Variants in TYW1B observed in about 807,000 individuals in gnomAD.
TYW1B encodes S-adenosyl-L-methionine-dependent tRNA 4-demethylwyosine synthase TYW1B.
Under a neutral mutation model 86.9 loss-of-function variants are expected in TYW1B, and 73 were observed. The observed-to-expected ratio is 0.84, with a 90% confidence interval of 0.70 to 1.02. TYW1B has a LOEUF of 1.02. TYW1B is among the 50% of genes least tolerant of loss of function. The pLI is 0.00. For synonymous variants in TYW1B, 248 were observed against 292.8 expected (o/e 0.85, Z 1.56); for missense variants, 637 against 827.4 (o/e 0.77, Z 2.82).
intron 7 of TYW1B, among the ~76,000 whole-genome samples, chr7:72,769,539 C>G (rs1404548890): frequency 6.6e-6 from 1 of 152,096 alleles, no homozygotes; most frequent in East Asian, 1.9e-4. Context: ...AAAACACTAA[C>G]CATAAAAGAA....
At chr7:72,649,191 T>A (rs553843612) in intron 11 of TYW1B, among the ~76,000 whole-genome samples, 1 of 152,172 alleles carries the variant, frequency 6.6e-6, no homozygotes, top group East Asian at 1.9e-4. Flanking sequence ...AAAGAACGAA[T>A]GACTAGTAAG....
intron 6 of TYW1B, among the ~76,000 whole-genome samples, chr7:72,788,987 C>T (rs1393474235): frequency 6.6e-5 from 10 of 151,810 alleles, no homozygotes; most frequent in African/African-American, 2.2e-4. Flanking sequence ...CCAGCTACCA[C>T]GCCCAGCTAA....
At chr7:72,641,226 G>A (rs556056532) in intron 11 of TYW1B, among the ~76,000 whole-genome samples, 6 of 151,940 alleles carry the variant, frequency 3.9e-5, no homozygotes, top group East Asian at 1.9e-4. Context: ...ATGGACAATC[G>A]GAACAGACCT....
rs535287497 is a variant in TYW1B, at chr7:72,804,876, T to C, written c.723+2190A>G. Among the ~76,000 whole-genome samples, 5 of 152,290 alleles carry C rather than the reference T, an allele frequency of 3.3e-5. No individual in the cohort carries two copies. The South Asian group carries it at 1.0e-3, about 32-fold the overall frequency. On this transcript the variant is annotated intron_variant, in intron 5 of 13. Coordinates refer to ENST00000620995, the MANE Select transcript of TYW1B (RefSeq NM_001145440.3). Reference sequence around the variant, plus strand: ...GCTGGATCTGGCCAGTGAGCCTGTTTGCTGATCCCTGTCCTAGACTCTCCT... The same window carrying C: ...GCTGGATCTGGCCAGTGAGCCTGTTCGCTGATCCCTGTCCTAGACTCTCCT...
intron 7 of TYW1B, among the ~76,000 whole-genome samples, chr7:72,763,632 T>C (rs1787724818): frequency 6.6e-6 from 1 of 152,226 alleles, no homozygotes; most frequent in African/African-American, 2.4e-5. Context: ...TTTGAAGTAT[T>C]TTAATTATCA....
intron 11 of TYW1B, among the ~76,000 whole-genome samples, chr7:72,672,024 G>C (rs1357823702): frequency 1.4e-5 from 2 of 146,980 alleles, no homozygotes; most frequent in Non-Finnish European, 3.0e-5. Context: ...CCACGTTGTG[G>C]GGGGACCTGG....
intron 11 of TYW1B, among the ~76,000 whole-genome samples, chr7:72,648,873 G>A (rs548290659): frequency 1.3e-5 from 2 of 152,296 alleles, no homozygotes; most frequent in East Asian, 3.9e-4. Context: ...GAGGCTCAGA[G>A]CACTGGCAGC....
chr7:72,707,467 GAACTGACAC>G (rs1814641325), intron 10 of TYW1B, among the ~76,000 whole-genome samples: 1 of 152,216 alleles, frequency 6.6e-6, no homozygotes, highest in African/African-American at 2.4e-5. Context: ...CAGCAAAAGA[GAACTGACAC>G]ATATTAAAAT....
intron 10 of TYW1B, among the ~76,000 whole-genome samples, chr7:72,697,509 G>A (rs1814350577): frequency 6.6e-6 from 1 of 152,152 alleles, no homozygotes; most frequent in African/African-American, 2.4e-5. Flanking sequence ...CTGAGCTTTA[G>A]GGATCTTATT....
At position 72,819,410 on chromosome 7, in the gene TYW1B, G is replaced by A. The variant is rs185015911; in HGVS notation, c.136-3929C>T. ...CTGTCTTAGTCCATTTTGCTATAAA[G>A]GAGTACCTGAGACTGGGTAATCTAT... On this transcript the variant is annotated intron_variant, in intron 2 of 13. Transcript: ENST00000620995. 6.8e-3 allele frequency among the ~76,000 whole-genome samples: 1,038 copies of A among 152,224 alleles called. 14 individuals are homozygous for A. Among genetic ancestry groups the A allele is most frequent in the African/African-American group, 0.021 (856 of 41,554 alleles).
At chr7:72,648,845 C>T (rs77632025) in intron 11 of TYW1B, among the ~76,000 whole-genome samples, 8 of 151,974 alleles carry the variant, frequency 5.3e-5, no homozygotes, top group African/African-American at 9.7e-5. Flanking sequence ...AGCTGAGAGG[C>T]GCAAGATGCA....
chr7:72,803,748 G>T (rs1460113369), intron 5 of TYW1B, among the ~76,000 whole-genome samples: 1 of 151,738 alleles, frequency 6.6e-6, no homozygotes, highest in African/African-American at 2.4e-5. Context: ...AGAGTAGCTG[G>T]GACTACAGGC....
At chr7:72,710,235 G>A (rs782330371) in intron 10 of TYW1B, among the ~76,000 whole-genome samples, 5 of 152,040 alleles carry the variant, frequency 3.3e-5, no homozygotes, top group Non-Finnish European at 5.9e-5. Flanking sequence ...GGGGATATAT[G>A]CCTTTAATTT....
intron 7 of TYW1B, among the ~76,000 whole-genome samples, chr7:72,746,020 C>T (rs1172695874): frequency 2.0e-5 from 3 of 151,908 alleles, no homozygotes; most frequent in Non-Finnish European, 4.4e-5. Flanking sequence ...TATGGCACCA[C>T]GTCCGGCTAG....
rs71876528 is a variant in TYW1B, at chr7:72,625,896, C to CGGGG, written c.1617+2987_1617+2990dup. ...AAGAAAGGAGGGGGGAGAGGTGGGG[C>CGGGG]GGGGGGGGGGGAAGAAAGGAAGGAA... On this transcript the variant is annotated intron_variant, in intron 12 of 13. Transcript: ENST00000620995. Among the ~76,000 whole-genome samples, 18 of 71,426 alleles carry CGGGG rather than the reference C, an allele frequency of 2.5e-4. No individual in the cohort carries two copies. In the East Asian group the frequency reaches 2.8e-3, roughly 11 times the overall value. 46.9% of individuals were successfully genotyped at this position (71,426 alleles called of 152,430 possible). A position where few individuals can be genotyped will look rare whatever the true frequency, so the allele number is the denominator to read the frequency against.
chr7:72,773,626 C>G (rs1407358974), intron 7 of TYW1B, among the ~76,000 whole-genome samples: 6 of 152,194 alleles, frequency 3.9e-5, no homozygotes, highest in African/African-American at 1.4e-4. Flanking sequence ...GAGTCTACAG[C>G]GGATTTCTCT....
intron 11 of TYW1B, among the ~76,000 whole-genome samples, chr7:72,652,393 AAAAAAAAAAAAAAT>A (rs1554442954): frequency 1.3e-5 from 2 of 150,948 alleles, no homozygotes; most frequent in Non-Finnish European, 3.0e-5. Flanking sequence ...AAAAAAAAAA[AAAAAAAAAAAAAAT>A]TTTTGTGACA....
intron 6 of TYW1B, among the ~76,000 whole-genome samples, chr7:72,793,986 G>A (rs543348932): frequency 8.2e-4 from 125 of 152,206 alleles, no homozygotes; most frequent in African/African-American, 2.9e-3. Context: ...TGTATCCCCC[G>A]CCCTCAGAGG....
At chr7:72,584,120 C>T (rs1382080283) in intron 13 of TYW1B, among the ~76,000 whole-genome samples, 1 of 152,234 alleles carries the variant, frequency 6.6e-6, no homozygotes, top group Non-Finnish European at 1.5e-5. Context: ...AATCATAGCT[C>T]ACTGCAGCCT....
Sources: gnomAD v4.1 joint callset for allele counts (sites outside exome capture counted in the v4.1 genomes callset) on GRCh38, gnomAD v4.1.1 for gene constraint, MANE v1.5 for transcripts, NCBI Gene and HGNC (gene_info 2026-07-23, HGNC 2026-07-21) for gene names.